LRP1B: variants seen among roughly 807,000 people sequenced by gnomAD.
LRP1B encodes the protein LDL receptor related protein 1B.
In LRP1B, 217 loss-of-function variants were observed where a neutral mutation model predicts 556.6. The ratio of observed to expected loss-of-function variants is 0.39; its 90% confidence interval spans 0.35 to 0.44. The LOEUF is 0.44. Among genes scored for constraint, LRP1B ranks in the 20% least tolerant of loss-of-function variants. The pLI, the probability that LRP1B is intolerant of heterozygous loss-of-function variation, is 1.00. For missense variants in LRP1B, 5,053 were observed against 5,620.8 expected (o/e 0.90, Z 3.23); for synonymous variants, 2,047 against 1,865.8 (o/e 1.10, Z -2.50).
chr2:141,817,031 G>C (rs546057186), intron 1 of LRP1B, among the ~76,000 whole-genome samples: 1 of 151,904 alleles, frequency 6.6e-6, no homozygotes, highest in African/African-American at 2.4e-5. Context: ...TTAGTTATAG[G>C]AGTCAAATGA....
intron 10 of LRP1B, among the ~76,000 whole-genome samples, chr2:141,049,921 G>A (rs542814264): frequency 4.5e-4 from 69 of 152,094 alleles, no homozygotes; most frequent in African/African-American, 1.6e-3. Flanking sequence ...TGTCTCCTGA[G>A]TTTAAAATGT....
chr2:140,808,961 T>A (rs1690823506), intron 32 of LRP1B, among the ~76,000 whole-genome samples: 1 of 152,126 alleles, frequency 6.6e-6, no homozygotes, highest in Non-Finnish European at 1.5e-5. Flanking sequence ...CTATACCAGC[T>A]CTACCAGGTG....
At chr2:141,193,095 A>G (rs1452352883) in intron 6 of LRP1B, among the ~76,000 whole-genome samples, 1 of 152,036 alleles carries the variant, frequency 6.6e-6, no homozygotes, top group African/African-American at 2.4e-5. Flanking sequence ...GATGCTGGCA[A>G]GGTTGCAGAG....
At position 140,413,357 on chromosome 2, in the gene LRP1B, G is replaced by A. The variant is rs544716052; in HGVS notation, c.10415-27348C>T. On this transcript the variant is annotated intron_variant, in intron 66 of 90. Transcript: ENST00000389484. ...CCTTTCTCTGCCAATGTTTAATAAT[G>A]TTTGCTTTAGAGAAAATCCCCTTAG... Among the ~76,000 whole-genome samples the A allele has an allele frequency of 2.6e-5, 4 of 152,198 alleles. No individual in the cohort carries two copies. In the East Asian group the frequency reaches 5.8e-4, roughly 22 times the overall value.
chr2:141,853,593 T>C (rs904541853), intron 1 of LRP1B, among the ~76,000 whole-genome samples: 5 of 151,846 alleles, frequency 3.3e-5, no homozygotes, highest in African/African-American at 1.2e-4. Flanking sequence ...AAATTATATG[T>C]AACTATCATA....
chr2:141,673,577 G>A (rs542000275), intron 2 of LRP1B, among the ~76,000 whole-genome samples: 1 of 152,132 alleles, frequency 6.6e-6, no homozygotes, highest in South Asian at 2.1e-4. Context: ...ATCAAACACT[G>A]TAAAGAGCCA....
chr2:141,939,969 A>G (rs528966617), intron 1 of LRP1B, among the ~76,000 whole-genome samples: 54 of 152,168 alleles, frequency 3.5e-4, no homozygotes, highest in Non-Finnish European at 5.0e-4. Flanking sequence ...TATATGCAAT[A>G]TCTTTGTGGA....
chr2:141,648,204 G>A (rs1415129412), intron 2 of LRP1B, among the ~76,000 whole-genome samples: 2 of 152,160 alleles, frequency 1.3e-5, no homozygotes, highest in Admixed American at 1.3e-4. Context: ...GACCTGCAAT[G>A]AGGATGCCTG....
At chr2:142,042,781 G>A (rs1704108829) in intron 1 of LRP1B, among the ~76,000 whole-genome samples, 1 of 151,534 alleles carries the variant, frequency 6.6e-6, no homozygotes, top group Admixed American at 6.6e-5. Context: ...AATTTATCCA[G>A]GGATAGAAGA....
chr2:140,780,205 C>T (rs1361154514), intron 32 of LRP1B, among the ~76,000 whole-genome samples: 1 of 152,064 alleles, frequency 6.6e-6, no homozygotes, highest in Non-Finnish European at 1.5e-5. Context: ...GGAGACATTG[C>T]TATTGATAAT....
At chr2:141,006,398 C>A (rs1339472835) in intron 14 of LRP1B, among the ~76,000 whole-genome samples, 1 of 151,896 alleles carries the variant, frequency 6.6e-6, no homozygotes, top group Non-Finnish European at 1.5e-5. Context: ...CTAGCTGTAA[C>A]GTTGTATCCT....
At chr2:141,318,746 A>G (rs1452224930) in intron 3 of LRP1B, among the ~76,000 whole-genome samples, 1 of 152,096 alleles carries the variant, frequency 6.6e-6, no homozygotes, top group Non-Finnish European at 1.5e-5. Context: ...TTCTAAATTA[A>G]CCATGAAGTC....
chr2:140,812,551 T>G (rs1690965030), intron 32 of LRP1B, among the ~76,000 whole-genome samples: 1 of 151,842 alleles, frequency 6.6e-6, no homozygotes, highest in South Asian at 2.1e-4. Flanking sequence ...ACTGTTTACT[T>G]ATTAACATAT....
Position 140,840,970 on chromosome 2 carries a change from T to C in LRP1B, c.5062A>G (p.Ile1688Val), listed in dbSNP as rs139661019. 7 of 1,613,496 alleles carry C rather than the reference T, an allele frequency of 4.3e-6. No homozygotes were observed. Among genetic ancestry groups the C allele is most frequent in the East Asian group, 4.5e-5 (2 of 44,838 alleles). ...ARLDGSLKTS[I>V]IHGIDKPQCL... is the part of the protein sequence containing the mutation. ...TGTGGCTTATCGATTCCATGGATAA[T>C]TGAGGTTTTCAAAGAGCCATCTAGC... The change falls in exon 30 of 91, where the codon ATT becomes GTT. Residue 1688 changes from isoleucine (I) to valine (V), a missense_variant. Physicochemically the swap from Ile to Val is conservative, Grantham distance 29. Coordinates refer to ENST00000389484, the MANE Select transcript of LRP1B (RefSeq NM_018557.3).
chr2:140,488,029 A>G (rs954637805), intron 57 of LRP1B, among the ~76,000 whole-genome samples: 2 of 151,992 alleles, frequency 1.3e-5, no homozygotes, highest in African/African-American at 4.8e-5. Flanking sequence ...AAATAAAAAT[A>G]ACTTCTTTTA....
intron 1 of LRP1B, among the ~76,000 whole-genome samples, chr2:141,979,614 C>T (rs757947931): frequency 3.3e-5 from 5 of 151,940 alleles, no homozygotes; most frequent in African/African-American, 9.7e-5. Flanking sequence ...GTTATCTTGC[C>T]GTCTTGTGTG....
chr2:141,742,146 T>C (rs1693731394), intron 2 of LRP1B, among the ~76,000 whole-genome samples: 1 of 152,128 alleles, frequency 6.6e-6, no homozygotes, highest in Admixed American at 6.5e-5. Flanking sequence ...GTTCCACTGG[T>C]CTATGTGTCT....
At chr2:141,948,603 A>C (rs2196353) in intron 1 of LRP1B, among the ~76,000 whole-genome samples, 56,307 of 151,650 alleles carry the variant, frequency 0.37, 11,451 homozygotes, top group Admixed American at 0.5. Flanking sequence ...TAATAGAAAA[A>C]AATGTGATAA....
chr2:141,221,077 C>T (rs1429350001), intron 6 of LRP1B, among the ~76,000 whole-genome samples: 2 of 151,882 alleles, frequency 1.3e-5, no homozygotes, highest in Admixed American at 1.3e-4. Flanking sequence ...GTAAATGGGC[C>T]AAATGCCCCA....
Sources: allele counts gnomAD v4.1 joint callset (sites outside exome capture counted in the v4.1 genomes callset), GRCh38; gene constraint gnomAD v4.1.1; transcripts MANE v1.5; gene names NCBI Gene and HGNC (gene_info 2026-07-23, HGNC 2026-07-21).